The following CCBE1 variants were observed in gnomAD, a reference collection of about 807,000 sequenced individuals.
The protein encoded by CCBE1 is collagen and calcium binding EGF domains 1.
In CCBE1, 37 loss-of-function variants were observed where a neutral mutation model predicts 50.0. The observed-to-expected ratio is 0.74, with a 90% CI of 0.57 to 0.97. The LOEUF is 0.97. Ranked by LOEUF, CCBE1 falls within the 50% of genes least tolerant of loss-of-function variation. The pLI, the probability that CCBE1 is intolerant of heterozygous loss-of-function variation, is 0.00. For missense variants in CCBE1, 538 were observed against 523.8 expected, an observed-to-expected ratio of 1.03 and a Z score of -0.26; for synonymous variants, 234 against 203.7, an observed-to-expected ratio of 1.15 and a Z score of -1.27.
intron 2 of CCBE1, among the ~76,000 whole-genome samples, chr18:59,539,133 G>A (rs747765857): frequency 1.1e-4 from 16 of 151,674 alleles, no homozygotes; most frequent in Non-Finnish European, 1.8e-4. Flanking sequence ...CTATGATTGT[G>A]CCACTGCACT....
At chr18:59,461,952 T>C (rs1457007689) in intron 5 of CCBE1, among the ~76,000 whole-genome samples, 3 of 152,128 alleles carry the variant, frequency 2.0e-5, no homozygotes, top group African/African-American at 7.2e-5. Context: ...CAGGCTGGTC[T>C]TGAACTTCTG....
At chr18:59,648,068 A>T (rs1290696502) in intron 2 of CCBE1, among the ~76,000 whole-genome samples, 1 of 152,256 alleles carries the variant, frequency 6.6e-6, no homozygotes, top group African/African-American at 2.4e-5. Context: ...AAATGAGAAA[A>T]GTGTATGAAC....
chr18:59,530,917 ATTAT>A (rs1464273622), intron 2 of CCBE1, among the ~76,000 whole-genome samples: 1 of 152,164 alleles, frequency 6.6e-6, no homozygotes, highest in African/African-American at 2.4e-5. Flanking sequence ...TATTTCTTAA[ATTAT>A]TTATGATGTT....
intron 10 of CCBE1, among the ~76,000 whole-genome samples, chr18:59,437,180 T>G (rs150980695): frequency 1.9e-4 from 29 of 152,272 alleles, no homozygotes; most frequent in Non-Finnish European, 3.1e-4. Flanking sequence ...AGCCTTAATT[T>G]CATATAGCGC....
chr18:59,469,520 C>A lies in CCBE1; in HGVS notation c.353G>T (p.Arg118Leu), dbSNP rs115982879. Residue 118 changes from arginine to leucine, a missense_variant, in exon 4 of 11, where the codon CGA (arginine) becomes CTA (leucine). Coordinates refer to ENST00000439986, the MANE Select transcript of CCBE1 (RefSeq NM_133459.4). ...RVLCTCYPGY[R>L]YDRERHRKRE... is the part of the protein sequence containing the mutation. ...CTTCCGGTGTCTCTCCCGGTCATATCGGTATCCCGGATAACAAGTACACAG... is the reference window on the plus strand; with the variant it reads ...CTTCCGGTGTCTCTCCCGGTCATATAGGTATCCCGGATAACAAGTACACAG... The A allele has an allele frequency of 9.9e-6, 16 of 1,614,200 alleles. No homozygotes were observed. Among genetic ancestry groups the A allele is most frequent in the Non-Finnish European group, 1.4e-5 (16 of 1,180,036 alleles).
chr18:59,538,137 A>C (rs1402655283), intron 2 of CCBE1, among the ~76,000 whole-genome samples: 1 of 152,240 alleles, frequency 6.6e-6, no homozygotes, highest in Non-Finnish European at 1.5e-5. Flanking sequence ...AAGGATGTCA[A>C]GAACAACATG....
At chr18:59,649,608 G>A (rs2054100938) in intron 2 of CCBE1, among the ~76,000 whole-genome samples, 1 of 152,242 alleles carries the variant, frequency 6.6e-6, no homozygotes, top group African/African-American at 2.4e-5. Context: ...ACTTTAGCAA[G>A]GGACAGAATG....
intron 3 of CCBE1, among the ~76,000 whole-genome samples, chr18:59,472,549 T>C (rs557967772): frequency 3.9e-5 from 6 of 152,362 alleles, no homozygotes; most frequent in South Asian, 2.1e-4. Context: ...GTAGGTCTGC[T>C]GCACAGCAGC....
At chr18:59,655,277 T>C (rs183997317) in intron 2 of CCBE1, among the ~76,000 whole-genome samples, 1 of 152,284 alleles carries the variant, frequency 6.6e-6, no homozygotes, top group East Asian at 1.9e-4. Flanking sequence ...ATTAACATGC[T>C]CCATTCAACA....
intron 2 of CCBE1, among the ~76,000 whole-genome samples, chr18:59,607,751 C>T (rs1248185830): frequency 1.3e-5 from 2 of 152,180 alleles, no homozygotes; most frequent in African/African-American, 4.8e-5. Context: ...TTTCTTCAAA[C>T]CCCAGGTTCT....
At chr18:59,614,758 A>G (rs2053616416) in intron 2 of CCBE1, among the ~76,000 whole-genome samples, 1 of 152,250 alleles carries the variant, frequency 6.6e-6, no homozygotes, top group Non-Finnish European at 1.5e-5. Context: ...ACAGTCCTAA[A>G]GCTGAGCTGA....
intron 2 of CCBE1, among the ~76,000 whole-genome samples, chr18:59,667,007 T>C (rs566742981): frequency 6.6e-6 from 1 of 152,164 alleles, no homozygotes; most frequent in South Asian, 2.1e-4. Flanking sequence ...GGCTCAGTGG[T>C]TGATGCCCAT....
rs541186786 is a variant in CCBE1, at chr18:59,481,956, C to T, written c.213-1718G>A. Among the ~76,000 whole-genome samples the T allele has an allele frequency of 3.3e-5, 5 of 152,098 alleles. No homozygotes were observed. The East Asian group carries it at 5.8e-4, about 18-fold the overall frequency. ...AGCGCGTGCAGGTTACATAGGTATA[C>T]GCCATGGTGGTTTGCTGCACCCATC... On this transcript the variant is annotated intron_variant, in intron 2 of 10. Transcript: ENST00000439986.
chr18:59,646,756 T>C (rs900908781), intron 2 of CCBE1, among the ~76,000 whole-genome samples: 1 of 152,170 alleles, frequency 6.6e-6, no homozygotes, highest in Admixed American at 6.5e-5. Flanking sequence ...TACTTCCCGA[T>C]GAGATCTGGG....
chr18:59,614,177 T>A (rs1446088915), intron 2 of CCBE1, among the ~76,000 whole-genome samples: 2 of 152,146 alleles, frequency 1.3e-5, no homozygotes, highest in Non-Finnish European at 2.9e-5. Context: ...CGCTAATTTT[T>A]GTATTTTGGT....
At chr18:59,477,274 T>G (rs1205631260) in intron 3 of CCBE1, among the ~76,000 whole-genome samples, 1 of 152,088 alleles carries the variant, frequency 6.6e-6, no homozygotes, top group African/African-American at 2.4e-5. Context: ...ACCCTGTGAT[T>G]AAAAAGTCAG....
intron 6 of CCBE1, among the ~76,000 whole-genome samples, chr18:59,449,650 G>A (rs1910840013): frequency 6.6e-6 from 1 of 151,164 alleles, no homozygotes; most frequent in African/African-American, 2.4e-5. Flanking sequence ...AAGAAATGCT[G>A]TCTGGGGGCT....
At chr18:59,505,702 A>T (rs1359116074) in intron 2 of CCBE1, among the ~76,000 whole-genome samples, 1 of 152,252 alleles carries the variant, frequency 6.6e-6, no homozygotes, top group Non-Finnish European at 1.5e-5. Context: ...AATATAGCAG[A>T]AATTTAGGCT....
intron 2 of CCBE1, among the ~76,000 whole-genome samples, chr18:59,602,993 G>C (rs538579758): frequency 6.6e-6 from 1 of 152,122 alleles, no homozygotes; most frequent in Admixed American, 6.6e-5. Flanking sequence ...ACCAACCTCC[G>C]AGGGCTGTCA....
Sources: allele counts gnomAD v4.1 joint callset (sites outside exome capture counted in the v4.1 genomes callset), GRCh38; gene constraint gnomAD v4.1.1; transcripts MANE v1.5; gene names NCBI Gene and HGNC (gene_info 2026-07-23, HGNC 2026-07-21).